Variants in ATP10B observed in about 807,000 individuals in gnomAD.
ATP10B encodes the protein phospholipid-transporting ATPase VB.
ATP10B carries 122 observed loss-of-function variants against 141.2 expected under a neutral mutation model. That is an observed-to-expected ratio of 0.86 (90% CI 0.75 to 1.00). The LOEUF is 1.00. Ranked by LOEUF, ATP10B falls within the 50% of genes least tolerant of loss-of-function variation. ATP10B has a pLI of 0.00. For missense variants in ATP10B, 1,876 were observed against 1,825.3 expected (o/e 1.03, Z -0.51); for synonymous variants, 685 against 692.0 (o/e 0.99, Z 0.16).
At chr5:160,814,499 C>G (rs1426743349) in intron 1 of ATP10B, among the ~76,000 whole-genome samples, 1 of 150,372 alleles carries the variant, frequency 6.7e-6, no homozygotes, top group Admixed American at 6.7e-5. Context: ...AAGACCAAAT[C>G]TACGTCTGAT....
chr5:160,789,228 G>T (rs1387676635), intron 1 of ATP10B, among the ~76,000 whole-genome samples: 1 of 152,064 alleles, frequency 6.6e-6, no homozygotes, highest in Non-Finnish European at 1.5e-5. Flanking sequence ...AGTAGAAGTG[G>T]GTTTGAACTA....
At chr5:160,728,458 C>T (rs1324047747) in intron 2 of ATP10B, among the ~76,000 whole-genome samples, 4 of 152,128 alleles carry the variant, frequency 2.6e-5, no homozygotes, top group Non-Finnish European at 4.4e-5. Context: ...GGAGCTTCTC[C>T]GGGTGGCAAC....
At chr5:160,907,445 G>T in the ATP10B span, among the ~76,000 whole-genome samples, 1 of 151,996 alleles carries the variant, frequency 6.6e-6, no homozygotes, top group Non-Finnish European at 1.5e-5. Context: ...ATCAAATGCA[G>T]CTTCTGTTTC....
intron 1 of ATP10B, among the ~76,000 whole-genome samples, chr5:160,811,433 C>T (rs182090444): frequency 2.0e-5 from 3 of 152,154 alleles, no homozygotes; most frequent in Admixed American, 2.0e-4. Flanking sequence ...CTGCCCTGGG[C>T]TAGAGGGGAG....
the ATP10B span, among the ~76,000 whole-genome samples, chr5:160,876,787 G>T: frequency 6.6e-6 from 1 of 151,184 alleles, no homozygotes; most frequent in Non-Finnish European, 1.5e-5. Context: ...AAATCTAGAA[G>T]AAATGGATAA....
At chr5:160,864,664 C>T in the ATP10B span, among the ~76,000 whole-genome samples, 1 of 151,710 alleles carries the variant, frequency 6.6e-6, no homozygotes, top group East Asian at 1.9e-4. Context: ...TGATTGTATA[C>T]CTAGAAAACC....
At chr5:160,657,701 T>C (rs1761600878) in intron 7 of ATP10B, among the ~76,000 whole-genome samples, 1 of 152,226 alleles carries the variant, frequency 6.6e-6, no homozygotes, top group Non-Finnish European at 1.5e-5. Flanking sequence ...TGATTTCTTC[T>C]GTCATTTCTA....
intron 1 of ATP10B, among the ~76,000 whole-genome samples, chr5:160,825,130 G>T (rs1176144131): frequency 6.6e-6 from 1 of 152,138 alleles, no homozygotes; most frequent in Non-Finnish European, 1.5e-5. Context: ...TCTGCTGTGA[G>T]CTGTTTGAGG....
intron 1 of ATP10B, among the ~76,000 whole-genome samples, chr5:160,798,583 C>G (rs925360814): frequency 1.3e-5 from 2 of 152,050 alleles, no homozygotes; most frequent in African/African-American, 4.8e-5. Context: ...CTCTCCTAGA[C>G]CCTTCGAAGA....
chr5:160,655,691 G>A (rs1441319523), intron 7 of ATP10B, among the ~76,000 whole-genome samples: 4 of 152,058 alleles, frequency 2.6e-5, no homozygotes, highest in Admixed American at 2.6e-4. Flanking sequence ...GACTTCTTTG[G>A]CTCAACAAAT....
At chr5:160,755,467 G>T (rs1182505227) in intron 2 of ATP10B, among the ~76,000 whole-genome samples, 2 of 151,966 alleles carry the variant, frequency 1.3e-5, no homozygotes, top group African/African-American at 4.8e-5. Context: ...AGGCTATATT[G>T]TATAATATAA....
chr5:160,744,086 C>A (rs1767649810), intron 2 of ATP10B, among the ~76,000 whole-genome samples: 1 of 152,138 alleles, frequency 6.6e-6, no homozygotes, highest in Non-Finnish European at 1.5e-5. Context: ...ATTGAAAAAA[C>A]AAAGCTCAAG....
In ATP10B at chr5:160,564,622, T is replaced by C. The variant is rs967850884; in HGVS notation, c.*831A>G. On this transcript the variant is annotated 3_prime_UTR_variant, in exon 26 of 26. Transcript: ENST00000327245. Reference sequence around the variant, plus strand: ...GGTTTTTTGCTTTTGTTCTAAGAGCTGAATGAGGATGGGCAATTTTATTTA... The same window carrying C: ...GGTTTTTTGCTTTTGTTCTAAGAGCCGAATGAGGATGGGCAATTTTATTTA... The C allele has an allele frequency of 1.4e-4, 22 of 152,200 alleles. No individual in the cohort carries two copies. The highest frequency in any genetic ancestry group is 5.3e-4 in the African/African-American group (22 of 41,440). 9.4% of individuals were successfully genotyped at this position (152,200 alleles called of 1,614,324 possible).
chr5:160,610,508 T>A (rs1757661631), intron 18 of ATP10B, among the ~76,000 whole-genome samples: 2 of 152,122 alleles, frequency 1.3e-5, no homozygotes, highest in Admixed American at 6.5e-5. Flanking sequence ...ACAGAAACCA[T>A]AAGATAATAA....
rs183435068 is a variant in ATP10B at position 160,653,760 on chromosome 5, T to C, written c.676-4504A>G. Among the ~76,000 whole-genome samples, 376 of 115,754 alleles carry C rather than the reference T, an allele frequency of 3.2e-3. 9 individuals carry two copies. Among genetic ancestry groups the C allele is most frequent in the Middle Eastern group, 0.012 (1 of 82 alleles). The allele number at this position is 115,754 out of a possible 152,430, so 75.9% of individuals were successfully genotyped here. On this transcript the variant is annotated intron_variant, in intron 7 of 25. Transcript: ENST00000327245. The stretch of plus-strand genomic sequence containing the variant: ...TACATATATTACATATACATAAATA[T>C]ATATAATATATACATATATACATAT...
At chr5:160,717,110 A>G in intron 2 of ATP10B, 76 bp from the exon 3 acceptor site, 1 of 897,590 alleles carries the variant, frequency 1.1e-6, no homozygotes, top group Non-Finnish European at 1.3e-6. Context: ...AAGGTTTAAA[A>G]CAATGCTACA....
At chr5:160,889,145 G>A in the ATP10B span, among the ~76,000 whole-genome samples, 1 of 152,128 alleles carries the variant, frequency 6.6e-6, no homozygotes, top group Admixed American at 6.5e-5. Context: ...GTAGGGTCCA[G>A]GTCTTTGGAC....
chr5:160,723,224 T>C (rs1766100977), intron 2 of ATP10B, among the ~76,000 whole-genome samples: 2 of 152,234 alleles, frequency 1.3e-5, no homozygotes, highest in Admixed American at 1.3e-4. Context: ...ATCGAGCATA[T>C]ACTAAGGTTG....
the ATP10B span, among the ~76,000 whole-genome samples, chr5:160,891,642 T>TG: frequency 6.6e-6 from 1 of 152,148 alleles, no homozygotes; most frequent in African/African-American, 2.4e-5. Flanking sequence ...TTCACCATGT[T>TG]GGCCAGGCTA....
Sources: allele counts gnomAD v4.1 joint callset (sites outside exome capture counted in the v4.1 genomes callset), GRCh38; gene constraint gnomAD v4.1.1; transcripts MANE v1.5; gene names NCBI Gene and HGNC (gene_info 2026-07-23, HGNC 2026-07-21).